Variants in CCBE1 observed in about 807,000 individuals in gnomAD.
CCBE1 encodes collagen and calcium binding EGF domains 1, also known as collagen and calcium-binding EGF domain-containing protein 1.
Under a neutral mutation model 50.0 loss-of-function variants are expected in CCBE1, and 37 were observed. That is an observed-to-expected ratio of 0.74 (90% CI 0.57 to 0.97). The LOEUF is 0.97. Among genes scored for constraint, CCBE1 ranks in the 50% least tolerant of loss-of-function variants. The probability of loss-of-function intolerance (pLI) is 0.00; values close to 1 mark genes in which losing one functional copy is unlikely to be tolerated. For synonymous variants in CCBE1, 234 were observed against 203.7 expected, an observed-to-expected ratio of 1.15 and a Z score of -1.27; for missense variants, 538 against 523.8, an observed-to-expected ratio of 1.03 and a Z score of -0.26.
At chr18:59,452,446 T>C (rs898475545) in intron 6 of CCBE1, among the ~76,000 whole-genome samples, 1 of 151,852 alleles carries the variant, frequency 6.6e-6, no homozygotes, top group Non-Finnish European at 1.5e-5. Context: ...CAAAAAAAAT[T>C]AGCGTGGCAT....
At chr18:59,577,824 C>T (rs1304519688) in intron 2 of CCBE1, among the ~76,000 whole-genome samples, 1 of 152,116 alleles carries the variant, frequency 6.6e-6, no homozygotes, top group Non-Finnish European at 1.5e-5. Flanking sequence ...ATAGAAGATG[C>T]CTGTTTTTCA....
intron 2 of CCBE1, among the ~76,000 whole-genome samples, chr18:59,586,610 C>T (rs775002861): frequency 6.6e-6 from 1 of 152,174 alleles, no homozygotes; most frequent in Non-Finnish European, 1.5e-5. Flanking sequence ...GAGGAAAGAA[C>T]ATCTGCGATG....
Position 59,469,288 on chromosome 18 carries a change from G to A in CCBE1, c.400+185C>T, listed in dbSNP as rs1911907054. Among the ~76,000 whole-genome samples the A allele has an allele frequency of 2.6e-5, 4 of 152,168 alleles. No individual in the cohort carries two copies. The South Asian group carries it at 8.3e-4, about 32-fold the overall frequency. On this transcript the variant is annotated intron_variant, in intron 4 of 10. Transcript: ENST00000439986. Reference sequence around the variant, plus strand: ...AGGACCTTGCTGGTACCAAATCCCGGAAGAATTCCTTGGGCCTAATTGGTT... The same window carrying A: ...AGGACCTTGCTGGTACCAAATCCCGAAAGAATTCCTTGGGCCTAATTGGTT...
rs148758670 is a variant in CCBE1, at chr18:59,570,846, A to T, written c.213-90608T>A. ...GCTCCAGGAGAGCCGGACGTCCCCT[A>T]GGCTGCCCACCAACCAGGATGAAAA... is the stretch of plus-strand genomic sequence containing the variant. On this transcript the variant is annotated intron_variant, in intron 2 of 10. Coordinates refer to ENST00000439986, the MANE Select transcript of CCBE1 (RefSeq NM_133459.4). Among the ~76,000 whole-genome samples, 738 of 152,298 alleles carry T rather than the reference A, an allele frequency of 4.8e-3. 8 individuals are homozygous for T. The highest frequency in any genetic ancestry group is 0.017 in the African/African-American group (695 of 41,556).
chr18:59,657,610 G>A (rs755449846), intron 2 of CCBE1, among the ~76,000 whole-genome samples: 54 of 152,176 alleles, frequency 3.5e-4, no homozygotes, highest in Non-Finnish European at 6.6e-4. Flanking sequence ...ACATACATTG[G>A]GCCAAGCATG....
intron 9 of CCBE1, among the ~76,000 whole-genome samples, chr18:59,438,559 A>G (rs972757802): frequency 1.4e-4 from 22 of 152,262 alleles, no homozygotes; most frequent in African/African-American, 5.1e-4. Flanking sequence ...ATGGAAACAC[A>G]CAAAAAGCTA....
rs144007246 is a variant in CCBE1 at position 59,660,122 on chromosome 18, G to A, written c.212+36507C>T. On this transcript the variant is annotated intron_variant, in intron 2 of 10. Transcript: ENST00000439986. Reference sequence around the variant, plus strand: ...TTGCCCTGTACGTGGGCACCCAGCTGAGAGTGCCGAAAGGGGCCGAAATCC... The same window carrying A: ...TTGCCCTGTACGTGGGCACCCAGCTAAGAGTGCCGAAAGGGGCCGAAATCC... 6.1e-3 allele frequency among the ~76,000 whole-genome samples: 936 copies of A among 152,296 alleles called. 7 individuals carry two copies. Among genetic ancestry groups the A allele is most frequent in the Middle Eastern group, 0.024 (7 of 294 alleles).
intron 2 of CCBE1, among the ~76,000 whole-genome samples, chr18:59,606,700 T>TA (rs1203054515): frequency 6.6e-6 from 1 of 152,082 alleles, no homozygotes; most frequent in Non-Finnish European, 1.5e-5. Flanking sequence ...CCTGCTGTTT[T>TA]AGAAGGAAAA....
At chr18:59,490,764 T>G (rs987843792) in intron 2 of CCBE1, among the ~76,000 whole-genome samples, 5 of 152,254 alleles carry the variant, frequency 3.3e-5, no homozygotes, top group Admixed American at 3.3e-4. Context: ...GAAACCATAG[T>G]ATCATTTAGT....
chr18:59,658,904 A>G (rs1295699986), intron 2 of CCBE1, among the ~76,000 whole-genome samples: 2 of 151,372 alleles, frequency 1.3e-5, no homozygotes, highest in African/African-American at 2.4e-5. Context: ...AAAAAAAAAA[A>G]AACTGTTACC....
chr18:59,500,514 G>A (rs954581887), intron 2 of CCBE1, among the ~76,000 whole-genome samples: 1 of 152,136 alleles, frequency 6.6e-6, no homozygotes, highest in Non-Finnish European at 1.5e-5. Context: ...GCCCAGGACT[G>A]AAGCCAGGGG....
At chr18:59,463,865 G>T (rs949679378) in intron 5 of CCBE1, among the ~76,000 whole-genome samples, 2 of 152,200 alleles carry the variant, frequency 1.3e-5, no homozygotes, top group Non-Finnish European at 2.9e-5. Flanking sequence ...CAATGGACTT[G>T]CCAGGCTGGG....
At chr18:59,439,650 G>A (rs761340465) in intron 8 of CCBE1, 27 bp downstream of exon 8, 11 of 1,614,210 alleles carry the variant, frequency 6.8e-6, no homozygotes, top group Admixed American at 3.3e-5. Flanking sequence ...CCCCAAAAAG[G>A]AAGTGGATCT....
intron 2 of CCBE1, among the ~76,000 whole-genome samples, chr18:59,534,865 G>A (rs1375424146): frequency 6.6e-6 from 1 of 152,212 alleles, no homozygotes; most frequent in African/African-American, 2.4e-5. Flanking sequence ...TCTTGAGCAT[G>A]AGGAGGGAAG....
At chr18:59,482,095 T>C (rs605135) in intron 2 of CCBE1, among the ~76,000 whole-genome samples, 38,139 of 151,900 alleles carry the variant, frequency 0.25, 4,960 homozygotes, top group Non-Finnish European at 0.29. Flanking sequence ...CCTGTCCCTG[T>C]GTCCATGTGT....
At chr18:59,634,709 A>T (rs2053894325) in intron 2 of CCBE1, among the ~76,000 whole-genome samples, 1 of 152,266 alleles carries the variant, frequency 6.6e-6, no homozygotes, top group Admixed American at 6.5e-5. Flanking sequence ...ATTAAACTAA[A>T]ACATGAGCGA....
chr18:59,583,824 G>T (rs2053132198), intron 2 of CCBE1, among the ~76,000 whole-genome samples: 2 of 152,104 alleles, frequency 1.3e-5, no homozygotes, highest in African/African-American at 4.8e-5. Flanking sequence ...ATATGGTTTG[G>T]ATCTGTGTCC....
intron 2 of CCBE1, among the ~76,000 whole-genome samples, chr18:59,628,755 C>A (rs548475836): frequency 3.3e-5 from 5 of 152,188 alleles, no homozygotes; most frequent in Non-Finnish European, 5.9e-5. Context: ...TCCTTCCTCT[C>A]AAGTGGAACA....
intron 2 of CCBE1, among the ~76,000 whole-genome samples, chr18:59,483,190 C>T (rs681948): frequency 0.29 from 44,166 of 152,082 alleles, 6,519 homozygotes; most frequent in African/African-American, 0.31. Context: ...ATGTAGGTTA[C>T]ATAAGGTCTT....
Sources: allele counts gnomAD v4.1 joint callset (sites outside exome capture counted in the v4.1 genomes callset), GRCh38; gene constraint gnomAD v4.1.1; transcripts MANE v1.5; gene names NCBI Gene and HGNC (gene_info 2026-07-23, HGNC 2026-07-21).